SMIM3: variants seen among roughly 807,000 people sequenced by gnomAD.
The protein encoded by SMIM3 is small integral membrane protein 3.
SMIM3 carries 4 observed loss-of-function variants against 2.1 expected under a neutral mutation model. The observed-to-expected ratio is 1.89, with a 90% CI of 0.93 to 4.31. The LOEUF (loss-of-function observed/expected upper bound fraction) is 4.31. Among genes scored for constraint, SMIM3 ranks in the 30% most tolerant of loss-of-function variants. SMIM3 has a pLI of 0.01. For missense variants in SMIM3, 79 were observed against 77.7 expected, an observed-to-expected ratio of 1.02 and a Z score of -0.06; for synonymous variants, 29 against 30.8, an observed-to-expected ratio of 0.94 and a Z score of 0.19.
At chr5:150,779,196 A>G (rs1348943279) in intron 1 of SMIM3, among the ~76,000 whole-genome samples, 1 of 151,820 alleles carries the variant, frequency 6.6e-6, no homozygotes, top group African/African-American at 2.4e-5. Flanking sequence ...CTCCTAGTGC[A>G]CAGAATTTTG....
Position 150,795,429 on chromosome 5 carries a change from G to C in SMIM3, c.-11-1G>C. On this transcript the variant is annotated splice_acceptor_variant, in intron 1 of 1. Coordinates refer to ENST00000526627, the MANE Select transcript of SMIM3 (RefSeq NM_032947.5). LOFTEE classifies it low-confidence loss of function (5UTR_SPLICE). ...TGATCTTCCTTTCTTGTCTGTTGCA[G>C]AGTGAAGCAACATGGATGCAGTCAG... 6.2e-7 allele frequency: 1 copy of C among 1,613,892 alleles called. No homozygotes were observed. The highest frequency in any genetic ancestry group is 8.5e-7 in the Non-Finnish European group (1 of 1,179,824).
At chr5:150,782,929 G>A (rs945262061) in intron 1 of SMIM3, among the ~76,000 whole-genome samples, 6 of 152,156 alleles carry the variant, frequency 3.9e-5, no homozygotes, top group South Asian at 2.1e-4. Context: ...CTGTGCTTGC[G>A]TTTGAGGGAG....
intron 1 of SMIM3, among the ~76,000 whole-genome samples, chr5:150,779,198 A>G (rs1463833687): frequency 6.6e-6 from 1 of 151,908 alleles, no homozygotes; most frequent in Non-Finnish European, 1.5e-5. Flanking sequence ...CCTAGTGCAC[A>G]GAATTTTGGG....
rs149934900 is a variant in SMIM3 at position 150,785,399 on chromosome 5, A to T, written c.-12+6427A>T. ...ACCGCACCTAGCCTGAAAATGTCTT[A>T]TTGCACCATTATTCTTGGCAGTTAT... On this transcript the variant is annotated intron_variant, in intron 1 of 1. Transcript: ENST00000526627. Among the ~76,000 whole-genome samples, 632 of 151,536 alleles carry T rather than the reference A, an allele frequency of 4.2e-3. 5 individuals carry two copies. The highest frequency in any genetic ancestry group is 0.015 in the African/African-American group (603 of 41,340).
rs1360312067 is a variant in SMIM3, at chr5:150,796,365, C to G, written c.*742C>G. 1 of 152,382 alleles carries G rather than the reference C, an allele frequency of 6.6e-6. No homozygotes were observed. Among genetic ancestry groups the G allele is most frequent in the Admixed American group, 6.5e-5 (1 of 15,270 alleles). 9.4% of individuals were successfully genotyped at this position (152,382 alleles called of 1,614,324 possible). The stretch of plus-strand genomic sequence containing the variant: ...CCTGCCCAGCTTTCGGGATCTCTGG[C>G]CCCCATCCCCTTGTGTGTGTCCCTC... On this transcript the variant is annotated 3_prime_UTR_variant, in exon 2 of 2. Transcript: ENST00000526627.
At chr5:150,782,698 T>C (rs1015697767) in intron 1 of SMIM3, among the ~76,000 whole-genome samples, 12 of 152,226 alleles carry the variant, frequency 7.9e-5, no homozygotes, top group Admixed American at 7.9e-4. Context: ...ATTTTGGAGA[T>C]AGTGTTCTGA....
At chr5:150,779,670 G>C (rs1170961830) in intron 1 of SMIM3, among the ~76,000 whole-genome samples, 1 of 152,138 alleles carries the variant, frequency 6.6e-6, no homozygotes, top group African/African-American at 2.4e-5. Context: ...TGTTCCAGTT[G>C]CTGGTTGTTT....
At chr5:150,782,913 C>T (rs1040169584) in intron 1 of SMIM3, among the ~76,000 whole-genome samples, 1 of 152,186 alleles carries the variant, frequency 6.6e-6, no homozygotes, top group Non-Finnish European at 1.5e-5. Context: ...GAGGCTTCTG[C>T]TCTCCCTGTG....
At chr5:150,794,853 T>C (rs1420566365) in intron 1 of SMIM3, among the ~76,000 whole-genome samples, 1 of 152,176 alleles carries the variant, frequency 6.6e-6, no homozygotes, top group Non-Finnish European at 1.5e-5. Context: ...TATTTTTCCA[T>C]AAGTTACTGG....
At chr5:150,786,088 T>C (rs940588809) in intron 1 of SMIM3, among the ~76,000 whole-genome samples, 6 of 151,438 alleles carry the variant, frequency 4.0e-5, no homozygotes, top group African/African-American at 1.5e-4. Flanking sequence ...GTTTCCTCTA[T>C]CTCTCTTACC....
rs753740962 is a variant in SMIM3 at position 150,795,491 on chromosome 5, C to T, written c.51C>T (p.Ile17=). 3 of 1,613,860 alleles carry T rather than the reference C, an allele frequency of 1.9e-6. No homozygotes were observed. In the East Asian group the frequency reaches 6.7e-5, roughly 36 times the overall value. The change falls in exon 2 of 2, where the codon ATC becomes ATT. Residue 17 remains isoleucine, a synonymous_variant. Coordinates refer to ENST00000526627, the MANE Select transcript of SMIM3 (RefSeq NM_032947.5). ...VPMEVVLPKH[I]LDIWVIVLII... Reference sequence around the variant, plus strand: ...TGGAAGTCGTGCTTCCCAAGCACATCCTGGATATCTGGGTTATTGTCCTCA... The same window carrying T: ...TGGAAGTCGTGCTTCCCAAGCACATTCTGGATATCTGGGTTATTGTCCTCA...
intron 1 of SMIM3, among the ~76,000 whole-genome samples, chr5:150,790,812 A>G (rs1306073359): frequency 6.6e-6 from 1 of 152,168 alleles, no homozygotes; most frequent in Non-Finnish European, 1.5e-5. Context: ...AGACCCAGAA[A>G]TCAGTGTTCT....
At chr5:150,793,595 G>C (rs1252571449) in intron 1 of SMIM3, among the ~76,000 whole-genome samples, 1 of 152,122 alleles carries the variant, frequency 6.6e-6, no homozygotes, top group Non-Finnish European at 1.5e-5. Context: ...TCAACAAATG[G>C]TGCTGGGATA....
At chr5:150,789,281 C>G (rs998862607) in intron 1 of SMIM3, among the ~76,000 whole-genome samples, 5 of 152,130 alleles carry the variant, frequency 3.3e-5, no homozygotes, top group Non-Finnish European at 2.9e-5. Context: ...TAGAGTCCTG[C>G]TTTTTCTCAA....
chr5:150,791,851 TATTA>T (rs950976910), intron 1 of SMIM3, among the ~76,000 whole-genome samples: 13 of 152,218 alleles, frequency 8.5e-5, no homozygotes, highest in Non-Finnish European at 1.9e-4. Context: ...ATAGTAGCTG[TATTA>T]ATTAAGTAAA....
At chr5:150,780,292 C>T (rs1393443785) in intron 1 of SMIM3, among the ~76,000 whole-genome samples, 3 of 152,174 alleles carry the variant, frequency 2.0e-5, no homozygotes, top group Non-Finnish European at 2.9e-5. Flanking sequence ...TTGAGCATGA[C>T]ATGCTCTTTG....
chr5:150,783,385 G>C (rs1753256424), intron 1 of SMIM3, among the ~76,000 whole-genome samples: 2 of 152,256 alleles, frequency 1.3e-5, no homozygotes, highest in African/African-American at 4.8e-5. Flanking sequence ...AAACCCTCTA[G>C]TCCTGTGCCC....
intron 1 of SMIM3, among the ~76,000 whole-genome samples, chr5:150,794,897 A>T (rs1340008371): frequency 6.6e-6 from 1 of 152,184 alleles, no homozygotes; most frequent in Non-Finnish European, 1.5e-5. Context: ...TACTCAGGTC[A>T]GTGTCCCAAC....
intron 1 of SMIM3, among the ~76,000 whole-genome samples, chr5:150,783,915 T>A (rs1185857313): frequency 2.0e-5 from 2 of 100,948 alleles, no homozygotes; most frequent in Non-Finnish European, 3.6e-5. Context: ...TTGAACTCCC[T>A]TTTTTTTTTT....
Sources: allele counts gnomAD v4.1 joint callset (sites outside exome capture counted in the v4.1 genomes callset), GRCh38; gene constraint gnomAD v4.1.1; transcripts MANE v1.5; gene names NCBI Gene and HGNC (gene_info 2026-07-23, HGNC 2026-07-21).